Variants in DYM observed in about 807,000 individuals in gnomAD.
DYM encodes the protein dyggve-Melchior-Clausen syndrome protein.
DYM carries 78 observed loss-of-function variants against 93.1 expected under a neutral mutation model. That is an observed-to-expected ratio of 0.84 (90% CI 0.70 to 1.01). The LOEUF is 1.01. Ranked by LOEUF, DYM falls within the 50% of genes least tolerant of loss-of-function variation. The probability of loss-of-function intolerance (pLI) is 0.00; values close to 1 mark genes in which losing one functional copy is unlikely to be tolerated. For synonymous variants in DYM, 321 were observed against 319.7 expected (o/e 1.00, Z -0.04); for missense variants, 789 against 845.0 (o/e 0.93, Z 0.82).
intron 15 of DYM, among the ~76,000 whole-genome samples, chr18:49,133,139 GAGC>G (rs2083524761): frequency 6.6e-6 from 1 of 152,244 alleles, no homozygotes; most frequent in Admixed American, 6.5e-5. Context: ...ATTCTCAACA[GAGC>G]ACTGATGAAA....
At chr18:49,196,834 AG>A (rs1476911394) in intron 14 of DYM, among the ~76,000 whole-genome samples, 5 of 152,100 alleles carry the variant, frequency 3.3e-5, no homozygotes, top group Admixed American at 3.3e-4. Context: ...ATTAGGGGTG[AG>A]GGTGGGGTGA....
At chr18:49,141,373 T>C (rs959406993) in intron 15 of DYM, among the ~76,000 whole-genome samples, 5 of 152,182 alleles carry the variant, frequency 3.3e-5, no homozygotes, top group African/African-American at 9.7e-5. Context: ...TGCTGAACTA[T>C]GGCTAACCTC....
intron 17 of DYM, among the ~76,000 whole-genome samples, chr18:49,074,622 G>T (rs1254987060): frequency 2.0e-5 from 3 of 152,148 alleles, no homozygotes; most frequent in Non-Finnish European, 4.4e-5. Context: ...ATTACCTGTG[G>T]TATGAGAATT....
chr18:49,148,577 C>T (rs548294195), intron 15 of DYM, among the ~76,000 whole-genome samples: 14 of 151,984 alleles, frequency 9.2e-5, no homozygotes, highest in Admixed American at 2.0e-4. Flanking sequence ...ATGTTAAATA[C>T]AAGAAAATCA....
chr18:49,419,089 G>T (rs976030843), intron 2 of DYM, among the ~76,000 whole-genome samples: 1 of 152,122 alleles, frequency 6.6e-6, no homozygotes, highest in Non-Finnish European at 1.5e-5. Context: ...GTGGCCAGGC[G>T]CAGTGGCTCA....
intron 2 of DYM, among the ~76,000 whole-genome samples, chr18:49,420,410 C>A (rs1228158246): frequency 6.6e-6 from 1 of 152,102 alleles, no homozygotes; most frequent in Admixed American, 6.5e-5. Flanking sequence ...TTCAGGTGAT[C>A]CACCTGCCTC....
At chr18:49,417,448 C>T (rs1386929338) in intron 2 of DYM, among the ~76,000 whole-genome samples, 2 of 152,134 alleles carry the variant, frequency 1.3e-5, no homozygotes, top group Admixed American at 6.6e-5. Context: ...CCGTTCCCAG[C>T]TTGTATAAGG....
At chr18:49,066,009 G>A (rs935322563) in intron 17 of DYM, among the ~76,000 whole-genome samples, 8 of 151,950 alleles carry the variant, frequency 5.3e-5, no homozygotes, top group Non-Finnish European at 8.8e-5. Flanking sequence ...TTCATGGACC[G>A]CTCCTCCCCA....
At chr18:49,223,550 GTGAATA>G (rs1211982033) in intron 13 of DYM, among the ~76,000 whole-genome samples, 2 of 152,058 alleles carry the variant, frequency 1.3e-5, no homozygotes, top group African/African-American at 4.8e-5. Flanking sequence ...CAGGCATAAT[GTGAATA>G]TGGGTTTTGA....
intron 14 of DYM, among the ~76,000 whole-genome samples, chr18:49,194,356 G>A (rs919375048): frequency 1.3e-5 from 2 of 152,024 alleles, no homozygotes; most frequent in African/African-American, 2.4e-5. Context: ...CTACACACTC[G>A]ACATCAACTG....
intron 12 of DYM, among the ~76,000 whole-genome samples, chr18:49,257,916 A>G (rs1348432442): frequency 6.6e-6 from 1 of 152,074 alleles, no homozygotes; most frequent in Admixed American, 6.5e-5. Flanking sequence ...CTTCTCTTTA[A>G]TAATACATTT....
intron 15 of DYM, among the ~76,000 whole-genome samples, chr18:49,159,941 C>T (rs935200456): frequency 5.3e-5 from 8 of 151,986 alleles, no homozygotes; most frequent in Admixed American, 3.3e-4. Context: ...GATTTATTAT[C>T]TTTGTTTCAT....
At chr18:49,141,731 T>A (rs2084522058) in intron 15 of DYM, among the ~76,000 whole-genome samples, 1 of 152,196 alleles carries the variant, frequency 6.6e-6, no homozygotes, top group South Asian at 2.1e-4. Flanking sequence ...GCTCCATTTT[T>A]AATTGCTAAA....
At chr18:49,424,574 G>C (rs537784606) in intron 2 of DYM, among the ~76,000 whole-genome samples, 2 of 151,936 alleles carry the variant, frequency 1.3e-5, no homozygotes, top group Admixed American at 1.3e-4. Context: ...AAGAAATAAA[G>C]GATATTCAAT....
chr18:49,266,773 A>G (rs939245998), intron 11 of DYM, among the ~76,000 whole-genome samples: 2 of 152,202 alleles, frequency 1.3e-5, no homozygotes, highest in Admixed American at 6.5e-5. Flanking sequence ...ATAAAGTTTG[A>G]CTTTAATGTA....
chr18:49,457,441 T>C (rs1175382855), intron 1 of DYM, among the ~76,000 whole-genome samples: 2 of 152,212 alleles, frequency 1.3e-5, no homozygotes, highest in Non-Finnish European at 2.9e-5. Context: ...TATACTTAAA[T>C]CATTTTTAAA....
At chr18:49,153,319 C>A (rs1165875816) in intron 15 of DYM, among the ~76,000 whole-genome samples, 1 of 151,944 alleles carries the variant, frequency 6.6e-6, no homozygotes, top group African/African-American at 2.4e-5. Context: ...CAATGTGGGG[C>A]TTGGAATCTA....
intron 8 of DYM, among the ~76,000 whole-genome samples, chr18:49,292,371 C>G (rs1472263921): frequency 6.7e-6 from 1 of 149,598 alleles, no homozygotes; most frequent in Non-Finnish European, 1.5e-5. Flanking sequence ...CACACACACA[C>G]ACACACACAC....
intron 13 of DYM, among the ~76,000 whole-genome samples, chr18:49,230,114 T>C (rs978875826): frequency 2.0e-5 from 3 of 152,182 alleles, no homozygotes; most frequent in Non-Finnish European, 2.9e-5. Context: ...ACATATTATC[T>C]TCACTATGGT....
Sources: gnomAD v4.1 joint callset for allele counts (sites outside exome capture counted in the v4.1 genomes callset) on GRCh38, gnomAD v4.1.1 for gene constraint, MANE v1.5 for transcripts, NCBI Gene and HGNC (gene_info 2026-07-23, HGNC 2026-07-21) for gene names.